Variants in STAG1 observed in about 807,000 individuals in gnomAD.
The protein encoded by STAG1 is cohesin subunit SA-1.
STAG1 carries 26 observed loss-of-function variants against 170.9 expected under a neutral mutation model. The observed-to-expected ratio is 0.15, with a 90% CI of 0.11 to 0.21. The LOEUF is 0.21. Ranked by LOEUF, STAG1 falls within the 10% of genes least tolerant of loss-of-function variation. The pLI, the probability that STAG1 is intolerant of heterozygous loss-of-function variation, is 1.00. For missense variants in STAG1, 964 were observed against 1,509.5 expected, an observed-to-expected ratio of 0.64 and a Z score of 5.99; for synonymous variants, 514 against 497.7, an observed-to-expected ratio of 1.03 and a Z score of -0.44.
intron 4 of STAG1, among the ~76,000 whole-genome samples, chr3:136,581,724 T>C (rs1227740589): frequency 1.3e-5 from 2 of 152,078 alleles, no homozygotes; most frequent in Non-Finnish European, 2.9e-5. Context: ...TTACTTCTAC[T>C]TAGGATAATG....
chr3:136,572,596 T>G (rs1937303454), intron 4 of STAG1, among the ~76,000 whole-genome samples: 2 of 88,178 alleles, frequency 2.3e-5, no homozygotes, highest in Non-Finnish European at 4.2e-5. Context: ...AGAGCAAGAC[T>G]GTCTCAAAAA....
intron 1 of STAG1, among the ~76,000 whole-genome samples, chr3:136,711,980 G>A (rs952000622): frequency 2.0e-5 from 3 of 152,166 alleles, no homozygotes; most frequent in Admixed American, 6.5e-5. Flanking sequence ...ACTGTTTAAC[G>A]GAAAAAAACC....
chr3:136,348,873 GTA>G (rs1340972578), intron 29 of STAG1: 1 of 394,980 alleles, frequency 2.5e-6, no homozygotes, highest in Non-Finnish European at 4.6e-6. Context: ...ATATTTTAAT[GTA>G]TTAGAGGCAT....
intron 3 of STAG1, among the ~76,000 whole-genome samples, chr3:136,612,265 ATG>A (rs572295681): frequency 1.4e-4 from 22 of 152,256 alleles, no homozygotes; most frequent in South Asian, 1.2e-3. Flanking sequence ...GTCTAACAAC[ATG>A]TAGGCCTTTT....
intron 3 of STAG1, chr3:136,609,380 TG>T (rs1444264293): frequency 1.3e-5 from 2 of 148,512 alleles, no homozygotes; most frequent in African/African-American, 4.9e-5. Context: ...AATATATATT[TG>T]TATATAAATT....
chr3:136,503,370 C>T lies in STAG1; in HGVS notation c.677-591G>A, dbSNP rs562842463. 3.3e-5 allele frequency among the ~76,000 whole-genome samples: 5 copies of T among 152,284 alleles called. No homozygotes were observed. In the East Asian group the frequency reaches 7.7e-4, roughly 23 times the overall value. On this transcript the variant is annotated intron_variant, in intron 7 of 33. Transcript: ENST00000383202. Reference sequence around the variant, plus strand: ...TGTGAATTTCCAATTGACCTATCCTCCCCAGCCACAGTGATAATGTACTTT... The same window carrying T: ...TGTGAATTTCCAATTGACCTATCCTTCCCAGCCACAGTGATAATGTACTTT...
intron 21 of STAG1, among the ~76,000 whole-genome samples, chr3:136,411,913 G>T (rs2087634613): frequency 6.6e-6 from 1 of 151,210 alleles, no homozygotes; most frequent in Admixed American, 6.6e-5. Context: ...AAAGCCTCCT[G>T]AGTAGTTGGG....
intron 4 of STAG1, among the ~76,000 whole-genome samples, chr3:136,572,808 T>C (rs991281692): frequency 6.6e-6 from 1 of 152,170 alleles, no homozygotes; most frequent in Non-Finnish European, 1.5e-5. Context: ...GATATATTGG[T>C]TATTCATCCA....
At chr3:136,708,331 A>G (rs1052838530) in intron 1 of STAG1, among the ~76,000 whole-genome samples, 29 of 152,092 alleles carry the variant, frequency 1.9e-4, no homozygotes, top group African/African-American at 7.0e-4. Flanking sequence ...TATAACTTCG[A>G]TAAACATTGA....
At chr3:136,467,535 G>C (rs1034191953) in intron 12 of STAG1, among the ~76,000 whole-genome samples, 1 of 151,922 alleles carries the variant, frequency 6.6e-6, no homozygotes, top group Non-Finnish European at 1.5e-5. Context: ...TATAAAGAGA[G>C]TTAGACTCCC....
intron 5 of STAG1, among the ~76,000 whole-genome samples, chr3:136,546,499 G>C (rs921061798): frequency 2.0e-5 from 3 of 152,152 alleles, no homozygotes; most frequent in Admixed American, 6.5e-5. Flanking sequence ...TAGTCATAGG[G>C]AACTAAAGGG....
At chr3:136,724,552 A>C (rs1262667623) in intron 1 of STAG1, among the ~76,000 whole-genome samples, 2 of 150,134 alleles carry the variant, frequency 1.3e-5, no homozygotes, top group African/African-American at 2.5e-5. Context: ...CTATTGTCCT[A>C]TGACCCTGCC....
At chr3:136,527,464 C>G (rs2107920746) in intron 6 of STAG1, among the ~76,000 whole-genome samples, 1 of 152,308 alleles carries the variant, frequency 6.6e-6, no homozygotes, top group Non-Finnish European at 1.5e-5. Flanking sequence ...AAGGACTTCT[C>G]TACACTGGTT....
chr3:136,740,215 C>A (rs900151689), intron 1 of STAG1, among the ~76,000 whole-genome samples: 1 of 152,122 alleles, frequency 6.6e-6, no homozygotes, highest in Non-Finnish European at 1.5e-5. Context: ...TGCACTCCAG[C>A]CCGGGCAACA....
At chr3:136,691,533 A>G (rs1942723411) in intron 1 of STAG1, among the ~76,000 whole-genome samples, 1 of 152,144 alleles carries the variant, frequency 6.6e-6, no homozygotes, top group Admixed American at 6.5e-5. Flanking sequence ...TAGGGCATGT[A>G]GAAGTTAAGC....
chr3:136,543,423 C>G (rs888906731), intron 5 of STAG1, among the ~76,000 whole-genome samples: 5 of 152,138 alleles, frequency 3.3e-5, no homozygotes, highest in Non-Finnish European at 5.9e-5. Flanking sequence ...TTTTTGTTAT[C>G]TGCTATCACA....
At chr3:136,672,467 A>G (rs181561363) in intron 1 of STAG1, among the ~76,000 whole-genome samples, 2 of 152,346 alleles carry the variant, frequency 1.3e-5, no homozygotes, top group East Asian at 3.9e-4. Flanking sequence ...TGTATTCCTA[A>G]ACAAGCATCT....
intron 4 of STAG1, among the ~76,000 whole-genome samples, chr3:136,597,193 T>C (rs149584140): frequency 0.011 from 1,739 of 152,302 alleles, 18 homozygotes; most frequent in South Asian, 0.046. Context: ...GAAAAAAATA[T>C]TCATTCCTAT....
chr3:136,541,101 C>A (rs1369408998), intron 6 of STAG1, among the ~76,000 whole-genome samples: 1 of 151,976 alleles, frequency 6.6e-6, no homozygotes, highest in Non-Finnish European at 1.5e-5. Context: ...AATCCCAATA[C>A]CCGGGTCACA....
Sources: gnomAD v4.1 joint callset for allele counts (sites outside exome capture counted in the v4.1 genomes callset) on GRCh38, gnomAD v4.1.1 for gene constraint, MANE v1.5 for transcripts, NCBI Gene and HGNC (gene_info 2026-07-23, HGNC 2026-07-21) for gene names.